Variants in BAIAP2L1 observed in about 807,000 individuals in gnomAD.
BAIAP2L1 encodes the protein BAR/IMD domain containing adaptor protein 2 like 1.
In BAIAP2L1, 35 loss-of-function variants were observed where a neutral mutation model predicts 66.3. The observed-to-expected ratio is 0.53, with a 90% CI of 0.40 to 0.70. The LOEUF (loss-of-function observed/expected upper bound fraction) is 0.70. Among genes scored for constraint, BAIAP2L1 ranks in the 30% least tolerant of loss-of-function variants. The pLI is 0.00. For missense variants in BAIAP2L1, 622 were observed against 656.9 expected (o/e 0.95, Z 0.58); for synonymous variants, 269 against 248.7 (o/e 1.08, Z -0.77).
At chr7:98,370,530 A>G (rs1802487232) in intron 1 of BAIAP2L1, among the ~76,000 whole-genome samples, 1 of 151,838 alleles carries the variant, frequency 6.6e-6, no homozygotes. Flanking sequence ...TTTGAGACAG[A>G]GTCTCGCACT....
intron 9 of BAIAP2L1, chr7:98,309,388 C>T (rs934045828): frequency 1.3e-5 from 2 of 151,524 alleles, no homozygotes; most frequent in Non-Finnish European, 2.9e-5. Context: ...CTCCTGACAT[C>T]GAGATCCACC....
At chr7:98,328,398 C>T (rs752274622) in intron 3 of BAIAP2L1, among the ~76,000 whole-genome samples, 3 of 152,106 alleles carry the variant, frequency 2.0e-5, no homozygotes, top group South Asian at 2.1e-4. Flanking sequence ...TGTGCATCCC[C>T]GGGAAGTTCC....
In BAIAP2L1 at chr7:98,292,429, C is replaced by T; in HGVS notation, c.*1092G>A. 1.7e-6 allele frequency: 1 copy of T among 577,114 alleles called. No homozygotes were observed. The highest frequency in any genetic ancestry group is 3.1e-6 in the Non-Finnish European group (1 of 325,012). The allele number at this position is 577,114 out of a possible 1,614,324, so 35.7% of individuals were successfully genotyped here. ...CCTCAGGTGATCCCCCTGCCTCGGC[C>T]TCACAAAATGCTGGGATTCCCGTAC... On this transcript the variant is annotated 3_prime_UTR_variant, in exon 14 of 14. Coordinates refer to ENST00000005260, the MANE Select transcript of BAIAP2L1 (RefSeq NM_018842.5).
chr7:98,347,182 G>GC (rs1237539880), intron 3 of BAIAP2L1, among the ~76,000 whole-genome samples: 3 of 116,028 alleles, frequency 2.6e-5, no homozygotes, highest in African/African-American at 9.7e-5. Context: ...CCATGAGAAG[G>GC]TGGTAAGCCC....
At chr7:98,371,919 C>T (rs1258769776) in intron 1 of BAIAP2L1, among the ~76,000 whole-genome samples, 4 of 151,680 alleles carry the variant, frequency 2.6e-5, no homozygotes, top group Non-Finnish European at 4.4e-5. Flanking sequence ...CTCAGCCTCC[C>T]GAGTAGCTGA....
intron 12 of BAIAP2L1, among the ~76,000 whole-genome samples, chr7:98,299,053 T>C (rs1562963485): frequency 6.6e-6 from 1 of 152,144 alleles, no homozygotes; most frequent in Non-Finnish European, 1.5e-5. Context: ...TTTCCTCTTG[T>C]TGCCCAGGCT....
At chr7:98,331,562 G>A (rs1211330471) in intron 3 of BAIAP2L1, among the ~76,000 whole-genome samples, 4 of 139,060 alleles carry the variant, frequency 2.9e-5, no homozygotes, top group Admixed American at 8.2e-5. Context: ...TCCGCCTCCC[G>A]AGTTCAAGCG....
At chr7:98,307,603 T>C (rs954345496) in intron 10 of BAIAP2L1, 86 bp downstream of exon 10, 40 of 1,563,452 alleles carry the variant, frequency 2.6e-5, no homozygotes, top group Non-Finnish European at 3.4e-5. Context: ...AATGTGAGCA[T>C]GTCCACGAAG....
At chr7:98,360,174 C>T (rs1584484639) in intron 2 of BAIAP2L1, among the ~76,000 whole-genome samples, 1 of 152,100 alleles carries the variant, frequency 6.6e-6, no homozygotes, top group Non-Finnish European at 1.5e-5. Flanking sequence ...CTGCCCACCT[C>T]GGCCTCCCAA....
intron 1 of BAIAP2L1, among the ~76,000 whole-genome samples, chr7:98,367,670 G>T (rs995003219): frequency 2.0e-5 from 3 of 151,880 alleles, no homozygotes; most frequent in African/African-American, 7.3e-5. Context: ...CGAGTAGCTG[G>T]GACTACAGGC....
chr7:98,378,182 A>C lies in BAIAP2L1; in HGVS notation c.52-15750T>G, dbSNP rs796486246. On this transcript the variant is annotated intron_variant, in intron 1 of 13. Transcript: ENST00000005260. ...CAAAAATAAAAACAAAAACGAACAA[A>C]AAAAAAAGTACCATACACTATTTCT... Among the ~76,000 whole-genome samples the C allele has an allele frequency of 2.2e-4, 33 of 149,714 alleles. No individual in the cohort carries two copies. In the East Asian group the frequency reaches 3.4e-3, roughly 15 times the overall value.
At chr7:98,317,491 G>A (rs1303186094) in intron 5 of BAIAP2L1, 135 bp from the exon 6 acceptor site, 7 of 1,211,334 alleles carry the variant, frequency 5.8e-6, no homozygotes, top group African/African-American at 3.0e-5. Flanking sequence ...CCTCACACTG[G>A]CTGGGGCCCC....
At chr7:98,383,398 C>T (rs928288135) in intron 1 of BAIAP2L1, among the ~76,000 whole-genome samples, 1 of 151,504 alleles carries the variant, frequency 6.6e-6, no homozygotes, top group African/African-American at 2.4e-5. Context: ...ATTCTCCTGC[C>T]TCAGCCTCCC....
chr7:98,294,802 C>A (rs1233804140), intron 12 of BAIAP2L1, among the ~76,000 whole-genome samples: 3 of 152,198 alleles, frequency 2.0e-5, no homozygotes, highest in Admixed American at 2.0e-4. Context: ...GAAGCTCAAA[C>A]TGAGGAAAAG....
At chr7:98,335,735 C>T (rs1202959041) in intron 3 of BAIAP2L1, among the ~76,000 whole-genome samples, 2 of 152,208 alleles carry the variant, frequency 1.3e-5, no homozygotes, top group Non-Finnish European at 2.9e-5. Flanking sequence ...GCTGCCAGCT[C>T]CCCCGCTGGG....
chr7:98,317,995 C>T (rs865992325), intron 5 of BAIAP2L1, among the ~76,000 whole-genome samples: 8 of 151,544 alleles, frequency 5.3e-5, no homozygotes, highest in African/African-American at 1.7e-4. Flanking sequence ...ACCCTCACCC[C>T]GCAGCTCACA....
At chr7:98,325,077 T>C (rs1327995106) in intron 3 of BAIAP2L1, among the ~76,000 whole-genome samples, 2 of 152,156 alleles carry the variant, frequency 1.3e-5, no homozygotes, top group Non-Finnish European at 2.9e-5. Flanking sequence ...GAGATTAAAG[T>C]AAAATTGATT....
chr7:98,344,062 C>T (rs371581474), intron 3 of BAIAP2L1, among the ~76,000 whole-genome samples: 22 of 152,232 alleles, frequency 1.4e-4, no homozygotes, highest in South Asian at 8.3e-4. Context: ...CCTGTAGTCC[C>T]AGCTATAGGG....
chr7:98,334,405 A>T (rs6465672), intron 3 of BAIAP2L1, among the ~76,000 whole-genome samples: 1 of 151,832 alleles, frequency 6.6e-6, no homozygotes. Context: ...TTGAACTCAT[A>T]CTTCTAAAAT....
Sources: allele counts gnomAD v4.1 joint callset (sites outside exome capture counted in the v4.1 genomes callset), GRCh38; gene constraint gnomAD v4.1.1; transcripts MANE v1.5; gene names NCBI Gene and HGNC (gene_info 2026-07-23, HGNC 2026-07-21).